ZNF529: variants seen among roughly 807,000 people sequenced by gnomAD.
The protein encoded by ZNF529 is zinc finger protein 529.
Under a neutral mutation model 10.1 loss-of-function variants are expected in ZNF529, and 11 were observed. The ratio of observed to expected loss-of-function variants is 1.09; its 90% CI spans 0.69 to 1.81. The LOEUF (loss-of-function observed/expected upper bound fraction) is 1.81, where lower values mean the gene tolerates loss of function less well. ZNF529 is among the 40% of genes most tolerant of loss of function. ZNF529 has a pLI of 0.00. For missense variants in ZNF529, 624 were observed against 666.8 expected, an observed-to-expected ratio of 0.94 and a Z score of 0.71; for synonymous variants, 204 against 215.7, an observed-to-expected ratio of 0.95 and a Z score of 0.47.
chr19:36,558,616 C>T (rs1352611242), intron 2 of ZNF529, among the ~76,000 whole-genome samples: 1 of 152,104 alleles, frequency 6.6e-6, no homozygotes, highest in Non-Finnish European at 1.5e-5. Context: ...CCCTACCTCA[C>T]ACCACTTACA....
intron 2 of ZNF529, among the ~76,000 whole-genome samples, chr19:36,561,148 G>A (rs959333968): frequency 1.1e-4 from 16 of 152,120 alleles, no homozygotes; most frequent in African/African-American, 1.9e-4. Flanking sequence ...AGGGAAGGGC[G>A]TAGAACACTC....
intron 2 of ZNF529, among the ~76,000 whole-genome samples, chr19:36,579,523 A>G (rs1441884910): frequency 3.9e-5 from 6 of 152,252 alleles, no homozygotes; most frequent in Non-Finnish European, 8.8e-5. Context: ...CCTAAGTTAT[A>G]TGGTATAGCC....
chr19:36,546,764 T>G lies in ZNF529; in HGVS notation c.*102A>C. 4.7e-6 allele frequency: 6 copies of G among 1,289,368 alleles called. No individual in the cohort carries two copies. Among genetic ancestry groups the G allele is most frequent in the Non-Finnish European group, 6.4e-6 (6 of 942,018 alleles). The allele number at this position is 1,289,368 out of a possible 1,614,324, so 79.9% of individuals were successfully genotyped here. A position where few individuals can be genotyped will look rare whatever the true frequency, so the allele number is the denominator to read the frequency against. On this transcript the variant is annotated 3_prime_UTR_variant, in exon 5 of 5. Coordinates refer to ENST00000591340, the MANE Select transcript of ZNF529 (RefSeq NM_020951.5). ...ATGACCATGAAGTCTAAAAACAGAC[T>G]TTAAGAGAGGGAGATACTGAATTGC...
intron 2 of ZNF529, among the ~76,000 whole-genome samples, chr19:36,584,324 CAAA>C (rs761159140): frequency 1.3e-5 from 2 of 151,236 alleles, no homozygotes; most frequent in Non-Finnish European, 2.9e-5. Flanking sequence ...TGTGAATCAG[CAAA>C]AAGAAAAACC....
At chr19:36,548,441 G>A (rs2035137118) in intron 4 of ZNF529, 119 bp from the exon 5 acceptor site, 6 of 953,596 alleles carry the variant, frequency 6.3e-6, no homozygotes, top group Non-Finnish European at 9.0e-6. Context: ...TGTCATGAAA[G>A]ATAAAGAGAG....
At chr19:36,577,050 T>C, upstream of ZNF529, 1 of 367,090 alleles carries the variant, frequency 2.7e-6, no homozygotes, top group Non-Finnish European at 5.5e-6. Context: ...CCTCTTAGGC[T>C]CAAGTGACTC....
chr19:36,554,812 C>T lies in ZNF529; in HGVS notation c.109-16G>A, dbSNP rs756980772. On this transcript the variant is annotated splice_polypyrimidine_tract_variant and intron_variant, in intron 3 of 4. Coordinates refer to ENST00000591340, the MANE Select transcript of ZNF529 (RefSeq NM_020951.5). ...TCACCAGTTCCTGAAACAACAAACC[C>T]GTACATTACAGGTAAAATTTAAGGA... is the stretch of plus-strand genomic sequence containing the variant. 8.6e-6 allele frequency: 13 copies of T among 1,510,872 alleles called. No individual in the cohort carries two copies. The highest frequency in any genetic ancestry group is 2.4e-5 in the East Asian group (1 of 40,882). The allele number at this position is 1,510,872 out of a possible 1,614,324, so 93.6% of individuals were successfully genotyped here. A position where few individuals can be genotyped will look rare whatever the true frequency, so the allele number is the denominator to read the frequency against.
Position 36,547,536 on chromosome 19 carries a change from A to T in ZNF529, c.1022T>A (p.Met341Lys). 6.2e-7 allele frequency: 1 copy of T among 1,613,262 alleles called. No homozygotes were observed. Among genetic ancestry groups the T allele is most frequent in the Non-Finnish European group, 8.5e-7 (1 of 1,179,338 alleles). Residue 341 changes from methionine to lysine, a missense_variant, in exon 5 of 5, where the codon ATG becomes AAG. Physicochemically the swap from Met to Lys is moderately conservative, Grantham distance 95. Transcript: ENST00000591340. ...AATTCTAAAAACCTTCTCACAGTGC[A>T]TACATTTGTAGGGTTTCTCACCAGT... ...IHTGEKPYKCMHCEKVFRISS... is the reference protein window; with the variant it reads ...IHTGEKPYKCKHCEKVFRISS...
intron 2 of ZNF529, among the ~76,000 whole-genome samples, chr19:36,557,873 G>A (rs1199990943): frequency 6.6e-6 from 1 of 152,128 alleles, no homozygotes; most frequent in Non-Finnish European, 1.5e-5. Flanking sequence ...AACAGGCAAA[G>A]ACTTCAAATT....
chr19:36,601,639 G>A (rs2145297024), intron 1 of ZNF529, among the ~76,000 whole-genome samples: 1 of 152,022 alleles, frequency 6.6e-6, no homozygotes, highest in South Asian at 2.1e-4. Flanking sequence ...CCACCGTTTT[G>A]TTACTCTGTT....
At chr19:36,592,089 A>C (rs2036731196) in intron 1 of ZNF529, among the ~76,000 whole-genome samples, 1 of 151,628 alleles carries the variant, frequency 6.6e-6, no homozygotes, top group Non-Finnish European at 1.5e-5. Context: ...AGACTGGCCA[A>C]CATGGTGAAA....
intron 2 of ZNF529, among the ~76,000 whole-genome samples, chr19:36,565,736 C>A (rs538481967): frequency 1.6e-4 from 25 of 152,050 alleles, no homozygotes; most frequent in Admixed American, 3.9e-4. Flanking sequence ...GATAAAGGTA[C>A]CTAAATAGGC....
intron 1 of ZNF529, among the ~76,000 whole-genome samples, chr19:36,599,923 T>G (rs1197879072): frequency 6.6e-6 from 1 of 151,920 alleles, no homozygotes; most frequent in African/African-American, 2.4e-5. Context: ...GGCTGGAATG[T>G]AGTGGCACGA....
intron 2 of ZNF529, among the ~76,000 whole-genome samples, chr19:36,566,971 G>C (rs375872933): frequency 1.3e-5 from 2 of 151,350 alleles, no homozygotes; most frequent in Non-Finnish European, 2.9e-5. Context: ...AGCCGAGATC[G>C]CGCCACTGCA....
intron 2 of ZNF529, among the ~76,000 whole-genome samples, chr19:36,558,493 G>GA (rs1208125120): frequency 6.6e-6 from 1 of 152,022 alleles, no homozygotes; most frequent in African/African-American, 2.4e-5. Flanking sequence ...TTTCTCATCA[G>GA]AAAAAAATGA....
intron 4 of ZNF529, 72 bp downstream of exon 4, chr19:36,554,598 C>G: frequency 1.5e-6 from 2 of 1,300,028 alleles, no homozygotes; most frequent in Middle Eastern, 4.0e-4. Flanking sequence ...CAAAACATAG[C>G]CTTGAGTTCA....
At chr19:36,559,966 CAA>C (rs2035618690) in intron 2 of ZNF529, among the ~76,000 whole-genome samples, 2 of 151,950 alleles carry the variant, frequency 1.3e-5, no homozygotes, top group African/African-American at 4.8e-5. Context: ...TAAGAAAAAA[CAA>C]AGAGAAGTGG....
chr19:36,562,159 A>G (rs2035723232), intron 2 of ZNF529, among the ~76,000 whole-genome samples: 1 of 151,814 alleles, frequency 6.6e-6, no homozygotes, highest in Admixed American at 6.6e-5. Flanking sequence ...AATCGCTTGA[A>G]CCTGGGAGGC....
In ZNF529 at chr19:36,555,596, G is replaced by A. The variant is rs998252218; in HGVS notation, c.108+508C>T. 8.6e-5 allele frequency among the ~76,000 whole-genome samples: 13 copies of A among 151,926 alleles called. 4 individuals are homozygous for A. Among genetic ancestry groups the A allele is most frequent in the Non-Finnish European group, 1.6e-4 (11 of 67,998 alleles). ...CAGGCGTGAGCCACCGCGCCCGGCC[G>A]CGATAAAGTTTTTAGTAAGTGTTTT... On this transcript the variant is annotated intron_variant, in intron 3 of 4. Coordinates refer to ENST00000591340, the MANE Select transcript of ZNF529 (RefSeq NM_020951.5).
Sources: gnomAD v4.1 joint callset for allele counts (sites outside exome capture counted in the v4.1 genomes callset) on GRCh38, gnomAD v4.1.1 for gene constraint, MANE v1.5 for transcripts, NCBI Gene and HGNC (gene_info 2026-07-23, HGNC 2026-07-21) for gene names.